The following CREB5 variants were observed in gnomAD, a reference collection of about 807,000 sequenced individuals.
CREB5 encodes cAMP responsive element binding protein 5, also known as cyclic AMP-responsive element-binding protein 5.
A neutral mutation model predicts 57.1 loss-of-function variants in CREB5; 19 were observed. The observed-to-expected ratio is 0.33, with a 90% CI of 0.23 to 0.49. The LOEUF is 0.49. Ranked by LOEUF, CREB5 falls within the 20% of genes least tolerant of loss-of-function variation. The pLI, the probability that CREB5 is intolerant of heterozygous loss-of-function variation, is 0.99. For missense variants in CREB5, 579 were observed against 671.6 expected, an observed-to-expected ratio of 0.86 and a Z score of 1.52; for synonymous variants, 238 against 238.3, an observed-to-expected ratio of 1.00 and a Z score of 0.01.
At chr7:28,746,041 A>G (rs1804665557) in intron 7 of CREB5, among the ~76,000 whole-genome samples, 1 of 152,070 alleles carries the variant, frequency 6.6e-6, no homozygotes, top group Non-Finnish European at 1.5e-5. Context: ...CTGATGAAAT[A>G]TTTTCTCATT....
At chr7:28,397,545 G>A (rs1346346042) in intron 1 of CREB5, among the ~76,000 whole-genome samples, 4 of 152,106 alleles carry the variant, frequency 2.6e-5, no homozygotes, top group Non-Finnish European at 5.9e-5. Flanking sequence ...CAGTTTATTT[G>A]GGCTAGAATC....
chr7:28,682,683 G>GC (rs1491552523), intron 5 of CREB5, among the ~76,000 whole-genome samples: 1 of 104,550 alleles, frequency 9.6e-6, no homozygotes, highest in African/African-American at 5.9e-5. Flanking sequence ...ACCTAAAAGT[G>GC]GGGGGGGGGG....
intron 1 of CREB5, among the ~76,000 whole-genome samples, chr7:28,432,686 T>C (rs575850274): frequency 2.4e-4 from 36 of 152,338 alleles, no homozygotes; most frequent in South Asian, 1.9e-3. Flanking sequence ...GAATTTTAGA[T>C]GGCTTGAACA....
intron 4 of CREB5, among the ~76,000 whole-genome samples, chr7:28,560,815 TGTGTGTGCGCGCGCGCGC>T (rs1795071921): frequency 1.5e-5 from 2 of 136,876 alleles, no homozygotes; most frequent in African/African-American, 5.5e-5. Context: ...TGCGCGTGTG[TGTGTGTGCGCGCGCGCGC>T]GTGTGTGTGT....
rs1809967186 is a variant in CREB5 at position 28,824,672 on chromosome 7, T to G, written c.*5393T>G. The stretch of plus-strand genomic sequence containing the variant: ...AAGTGAATGTCCATTCAAAATATTT[T>G]ACTATTTCTTGTGGAGTTTTTCAGT... On this transcript the variant is annotated 3_prime_UTR_variant, in exon 11 of 11. Coordinates refer to ENST00000357727, the MANE Select transcript of CREB5 (RefSeq NM_182898.4). 1 of 152,684 alleles carries G rather than the reference T, an allele frequency of 6.5e-6. No homozygotes were observed. The highest frequency in any genetic ancestry group is 6.5e-5 in the Admixed American group (1 of 15,286). The allele number at this position is 152,684 out of a possible 1,614,324, so 9.5% of individuals were successfully genotyped here. A position where few individuals can be genotyped will look rare whatever the true frequency, so the allele number is the denominator to read the frequency against.
chr7:28,381,436 G>A (rs371105145), intron 1 of CREB5, among the ~76,000 whole-genome samples: 10 of 152,278 alleles, frequency 6.6e-5, no homozygotes, highest in African/African-American at 1.7e-4. Context: ...ATTGGGAAAT[G>A]GAGTATTCTT....
upstream of CREB5, chr7:28,410,382 C>T: frequency 4.4e-6 from 2 of 456,728 alleles, no homozygotes; most frequent in Middle Eastern, 3.3e-4. Context: ...GACCTGGCGG[C>T]GGAGTCTCCC....
At chr7:28,345,568 T>C (rs976645802) in intron 1 of CREB5, among the ~76,000 whole-genome samples, 26 of 151,980 alleles carry the variant, frequency 1.7e-4, no homozygotes, top group African/African-American at 6.0e-4. Flanking sequence ...GGCAGAGAGG[T>C]ACTGAGGCAG....
In CREB5 at chr7:28,377,947, A is replaced by AG. The variant is rs1283807992; in HGVS notation, c.-25+78506_-25+78507insG. On this transcript the variant is annotated intron_variant, in intron 1 of 9. Coordinates refer to the CREB5 transcript ENST00000396299. ...ACTCTATCTCAAAAAAAAAAAAAAC[A>AG]AAAAAGAAAAAGAAAAAGAAAAAAA... 1.3e-3 allele frequency among the ~76,000 whole-genome samples: 184 copies of AG among 144,828 alleles called. 3 individuals are homozygous for AG. The highest frequency in any genetic ancestry group is 4.4e-3 in the African/African-American group (171 of 39,266).
At chr7:28,634,863 C>A (rs889437428) in intron 5 of CREB5, among the ~76,000 whole-genome samples, 1 of 152,052 alleles carries the variant, frequency 6.6e-6, no homozygotes, top group Non-Finnish European at 1.5e-5. Context: ...TTACTATTGT[C>A]TTTTCAAGGA....
chr7:28,560,879 C>CGCGCGCGCGTGCGCGTGCGT (rs1795131480), intron 4 of CREB5, among the ~76,000 whole-genome samples: 2 of 22,060 alleles, frequency 9.1e-5, no homozygotes, highest in Non-Finnish European at 2.1e-4. Context: ...CGTGCGCGTG[C>CGCGCGCGCGTGCGCGTGCGT]GTGCGTGCGT....
chr7:28,650,361 TTTG>T (rs374853231), intron 5 of CREB5, among the ~76,000 whole-genome samples: 4 of 152,180 alleles, frequency 2.6e-5, no homozygotes, highest in African/African-American at 7.2e-5. Flanking sequence ...TCTGCTTGGT[TTTG>T]TTGTTGTTGT....
chr7:28,819,779 T>A lies in CREB5; in HGVS notation c.*500T>A, dbSNP rs1177120471. On this transcript the variant is annotated 3_prime_UTR_variant, in exon 11 of 11. Coordinates refer to ENST00000357727, the MANE Select transcript of CREB5 (RefSeq NM_182898.4). ...AACACACAGCCTTTCCCATACCTTT[T>A]TTTTTCTTACTATAAAATATTATAA... The A allele has an allele frequency of 1.3e-5, 2 of 152,572 alleles. No homozygotes were observed. The highest frequency in any genetic ancestry group is 4.8e-5 in the African/African-American group (2 of 41,432). 9.5% of individuals were successfully genotyped at this position (152,572 alleles called of 1,614,324 possible). A position where few individuals can be genotyped will look rare whatever the true frequency, so the allele number is the denominator to read the frequency against.
chr7:28,504,265 T>C (rs1792385732), intron 3 of CREB5, among the ~76,000 whole-genome samples: 1 of 152,206 alleles, frequency 6.6e-6, no homozygotes, highest in African/African-American at 2.4e-5. Flanking sequence ...AAATTAGACC[T>C]GAAGATGGTG....
At chr7:28,676,754 A>G (rs903376352) in intron 5 of CREB5, among the ~76,000 whole-genome samples, 4 of 152,158 alleles carry the variant, frequency 2.6e-5, no homozygotes, top group African/African-American at 9.7e-5. Context: ...GTACCTTGCA[A>G]TAGACTTCTC....
intron 5 of CREB5, among the ~76,000 whole-genome samples, chr7:28,597,013 A>G (rs779885459): frequency 2.0e-5 from 3 of 152,306 alleles, no homozygotes; most frequent in East Asian, 1.9e-4. Flanking sequence ...GAAACCTGAC[A>G]TGTGTGACGT....
chr7:28,806,787 G>C (rs1003816839), intron 8 of CREB5, among the ~76,000 whole-genome samples: 1 of 152,162 alleles, frequency 6.6e-6, no homozygotes, highest in Non-Finnish European at 1.5e-5. Flanking sequence ...ATGGGTTACA[G>C]GTTGATTAAA....
chr7:28,789,703 G>A (rs1807550963), intron 7 of CREB5, among the ~76,000 whole-genome samples: 1 of 152,154 alleles, frequency 6.6e-6, no homozygotes, highest in African/African-American at 2.4e-5. Flanking sequence ...AGGATTCAAA[G>A]AGAAGTGTAA....
chr7:28,656,388 G>A lies in CREB5; in HGVS notation c.465-62365G>A, dbSNP rs1799333671. ...TTCAGAGTCAATGTGATAATGTGCT[G>A]TTTAGCCTGTTGAGTAATATCATGG... is the stretch of plus-strand genomic sequence containing the variant. On this transcript the variant is annotated intron_variant, in intron 5 of 10. Coordinates refer to ENST00000357727, the MANE Select transcript of CREB5 (RefSeq NM_182898.4). Among the ~76,000 whole-genome samples the A allele has an allele frequency of 2.0e-5, 3 of 152,272 alleles. No homozygotes were observed. In the South Asian group the frequency reaches 6.2e-4, roughly 32 times the overall value.
Sources: allele counts gnomAD v4.1 joint callset (sites outside exome capture counted in the v4.1 genomes callset), GRCh38; gene constraint gnomAD v4.1.1; transcripts MANE v1.5; gene names NCBI Gene and HGNC (gene_info 2026-07-23, HGNC 2026-07-21).